DMD: variants seen among roughly 807,000 people sequenced by gnomAD.
The protein encoded by DMD is mutant dystrophin.
In DMD, 63 loss-of-function variants were observed where a neutral mutation model predicts 330.1. That is an observed-to-expected ratio of 0.19 (90% CI 0.16 to 0.24). DMD has a LOEUF of 0.24. Ranked by LOEUF, DMD falls within the 10% of genes least tolerant of loss-of-function variation. DMD has a pLI of 1.00. For missense variants in DMD, 3,344 were observed against 2,684.1 expected (o/e 1.25, Z -5.43); for synonymous variants, 1,223 against 959.8 (o/e 1.27, Z -5.07).
At chrX:32,932,848 G>C (rs1363452406) in intron 2 of DMD, among the ~76,000 whole-genome samples, 3 of 111,971 alleles carry the variant, frequency 2.7e-5, no homozygotes, top group Non-Finnish European at 5.6e-5. Flanking sequence ...TCTGAGCAAA[G>C]TGATCTCTGC....
intron 1 of DMD, among the ~76,000 whole-genome samples, chrX:33,127,707 A>C (rs1234583967): frequency 4.6e-5 from 1 of 21,725 alleles, no homozygotes; most frequent in African/African-American, 1.2e-4. Context: ...GTTAATATAA[A>C]AATCCCTCAT....
intron 43 of DMD, among the ~76,000 whole-genome samples, chrX:32,230,539 C>T (rs1278731874): frequency 8.9e-6 from 1 of 112,169 alleles, no homozygotes; most frequent in African/African-American, 3.2e-5. Flanking sequence ...GCCACCGCGC[C>T]CGGCCAAAAA....
At chrX:31,164,072 T>C (rs1170903158) in intron 74 of DMD, among the ~76,000 whole-genome samples, 3 of 111,876 alleles carry the variant, frequency 2.7e-5, no homozygotes, top group African/African-American at 6.5e-5. Context: ...GGATTTTGTA[T>C]AATAATATAC....
intron 44 of DMD, among the ~76,000 whole-genome samples, chrX:32,152,080 G>A (rs1356855484): frequency 8.9e-6 from 1 of 111,758 alleles, no homozygotes; most frequent in African/African-American, 3.3e-5. Context: ...TAAATACAAA[G>A]TGAAAGGCAA....
rs1451303105 is a variant in DMD at position 32,683,648 on chromosome X, T to TG, written c.960+14221dup. Among the ~76,000 whole-genome samples the TG allele has an allele frequency of 7.7e-5, 3 of 38,967 alleles. No homozygotes were observed. The Admixed American group carries it at 1.3e-3, about 17-fold the overall frequency. The allele number at this position is 38,967 out of a possible 115,157, so 33.8% of individuals were successfully genotyped here. A position where few individuals can be genotyped will look rare whatever the true frequency, so the allele number is the denominator to read the frequency against. On this transcript the variant is annotated intron_variant, in intron 9 of 78. Coordinates refer to ENST00000357033, the MANE Select transcript of DMD (RefSeq NM_004006.3). ...TCACACACTGGGTCCCGTAGTGGGG[T>TG]GGGGGGAGGGGGAAGGGATAGCATT...
At chrX:32,214,200 C>T (rs1162404276) in intron 44 of DMD, among the ~76,000 whole-genome samples, 3 of 100,022 alleles carry the variant, frequency 3.0e-5, no homozygotes, top group African/African-American at 7.4e-5. Context: ...AACTTAATCT[C>T]CTGCCTGAAA....
Position 31,797,937 on chromosome X carries a change from G to A in DMD, c.7309+22038C>T, listed in dbSNP as rs770796504. Among the ~76,000 whole-genome samples the A allele has an allele frequency of 4.5e-5, 5 of 111,930 alleles. No homozygotes were observed. In the East Asian group the frequency reaches 1.1e-3, roughly 25 times the overall value. Reference sequence around the variant, plus strand: ...TCAGTGAGAGGAGCTGAAGACAGGCGTGATGTGGCAACCTCCAAAAAAAGA... The same window carrying A: ...TCAGTGAGAGGAGCTGAAGACAGGCATGATGTGGCAACCTCCAAAAAAAGA... On this transcript the variant is annotated intron_variant, in intron 50 of 78. Coordinates refer to ENST00000357033, the MANE Select transcript of DMD (RefSeq NM_004006.3).
rs60283597 is a variant in DMD at position 31,186,610 on chromosome X, T to G, written c.9808-3706A>C. Among the ~76,000 whole-genome samples, 886 of 112,038 alleles carry G rather than the reference T, an allele frequency of 7.9e-3. 6 individuals carry two copies. Among genetic ancestry groups the G allele is most frequent in the African/African-American group, 0.026 (808 of 30,786 alleles). On this transcript the variant is annotated intron_variant, in intron 67 of 78. Coordinates refer to ENST00000357033, the MANE Select transcript of DMD (RefSeq NM_004006.3). ...ACAACAAACCCCCATGACACAAGTT[T>G]ACCTCATAAGAAACCTAGACAGGTA... is the stretch of plus-strand genomic sequence containing the variant.
At chrX:32,943,744 C>T (rs1266622560) in intron 2 of DMD, among the ~76,000 whole-genome samples, 1 of 111,999 alleles carries the variant, frequency 8.9e-6, no homozygotes, top group Non-Finnish European at 1.9e-5. Context: ...AAACTGCTCT[C>T]ATGAAATAAA....
intron 17 of DMD, among the ~76,000 whole-genome samples, chrX:32,518,901 GAAAT>G (rs1401264999): frequency 9.3e-6 from 1 of 107,471 alleles, no homozygotes; most frequent in Non-Finnish European, 1.9e-5. Flanking sequence ...AGAATTAGGA[GAAAT>G]AATAAATAGG....
At chrX:32,652,385 T>A (rs1187902822) in intron 9 of DMD, among the ~76,000 whole-genome samples, 1 of 102,856 alleles carries the variant, frequency 9.7e-6, no homozygotes, top group Non-Finnish European at 2.0e-5. Context: ...GAACATGTGG[T>A]ATTTGGTTTT....
rs2032043922 is a variant in DMD, at chrX:31,119,811, T to C, written c.*2108A>G. On this transcript the variant is annotated 3_prime_UTR_variant, in exon 79 of 79. Coordinates refer to ENST00000357033, the MANE Select transcript of DMD (RefSeq NM_004006.3). ...AAAAAAATGCAAGACAAAAACCAAATCTTCATGTAATTTGGTAATTTGTTA... is the reference window on the plus strand; with the variant it reads ...AAAAAAATGCAAGACAAAAACCAAACCTTCATGTAATTTGGTAATTTGTTA... 9.0e-6 allele frequency: 1 copy of C among 111,257 alleles called. No homozygotes were observed. Among genetic ancestry groups the C allele is most frequent in the South Asian group, 3.9e-4 (1 of 2,577 alleles). 9.2% of individuals were successfully genotyped at this position (111,257 alleles called of 1,213,427 possible). A position where few individuals can be genotyped will look rare whatever the true frequency, so the allele number is the denominator to read the frequency against.
chrX:31,638,705 A>C (rs66946306), intron 54 of DMD, among the ~76,000 whole-genome samples: 4,258 of 112,416 alleles, frequency 0.038, 116 homozygotes, highest in African/African-American at 0.092. Flanking sequence ...CCCTGTATGC[A>C]GGTATATCTG....
At chrX:32,133,524 T>A (rs1001294591) in intron 44 of DMD, among the ~76,000 whole-genome samples, 1 of 111,931 alleles carries the variant, frequency 8.9e-6, no homozygotes, top group Non-Finnish European at 1.9e-5. Context: ...TTCAATTGCC[T>A]ATTCAATATA....
intron 50 of DMD, among the ~76,000 whole-genome samples, chrX:31,812,760 G>T (rs1284467612): frequency 9.0e-6 from 1 of 111,470 alleles, no homozygotes; most frequent in East Asian, 2.8e-4. Context: ...ACTTATTTTT[G>T]AATACCCACT....
At chrX:32,054,128 AGAGAGAG>A (rs2096143101) in intron 44 of DMD, among the ~76,000 whole-genome samples, 3 of 100,472 alleles carry the variant, frequency 3.0e-5, no homozygotes, top group Non-Finnish European at 4.0e-5. Flanking sequence ...AGAGAGAGAG[AGAGAGAG>A]AAGAGGACTG....
At chrX:31,249,899 G>T (rs1270413840) in intron 63 of DMD, among the ~76,000 whole-genome samples, 1 of 111,160 alleles carries the variant, frequency 9.0e-6, no homozygotes, top group Non-Finnish European at 1.9e-5. Flanking sequence ...CAGACATTCT[G>T]TTACCTTACA....
In DMD at chrX:32,895,225, C is replaced by T. The variant is rs1165396707; in HGVS notation, c.94-45405G>A. Among the ~76,000 whole-genome samples, 3 of 112,171 alleles carry T rather than the reference C, an allele frequency of 2.7e-5. 1 individual carries two copies. The highest frequency in any genetic ancestry group is 1.9e-4 in the Admixed American group (2 of 10,569). ...TCAGCATATGAATTTGGGGCAAACA[C>T]GAATAGTCAGTCCATAACAACAAGT... is the stretch of plus-strand genomic sequence containing the variant. On this transcript the variant is annotated intron_variant, in intron 2 of 78. Coordinates refer to ENST00000357033, the MANE Select transcript of DMD (RefSeq NM_004006.3).
chrX:32,671,283 T>C (rs1467868716), intron 9 of DMD, among the ~76,000 whole-genome samples: 2 of 111,027 alleles, frequency 1.8e-5, no homozygotes, highest in East Asian at 5.6e-4. Flanking sequence ...ATTTCTCAAT[T>C]ACCAGACATC....
Sources: gnomAD v4.1 joint callset for allele counts (sites outside exome capture counted in the v4.1 genomes callset) on GRCh38, gnomAD v4.1.1 for gene constraint, MANE v1.5 for transcripts, NCBI Gene and HGNC (gene_info 2026-07-23, HGNC 2026-07-21) for gene names.